Variants in SLU7 observed in about 807,000 individuals in gnomAD.
SLU7 encodes pre-mRNA-splicing factor SLU7.
Under a neutral mutation model 87.0 loss-of-function variants are expected in SLU7, and 60 were observed. The observed-to-expected ratio is 0.69, with a 90% CI of 0.56 to 0.86. The LOEUF (loss-of-function observed/expected upper bound fraction) is 0.86. Among genes scored for constraint, SLU7 ranks in the 40% least tolerant of loss-of-function variants. SLU7 has a pLI of 0.00. For synonymous variants in SLU7, 197 were observed against 222.0 expected (o/e 0.89, Z 1.00); for missense variants, 507 against 686.6 (o/e 0.74, Z 2.92).
At chr5:160,406,238 T>C in intron 12 of SLU7, 1 of 363,124 alleles carries the variant, frequency 2.8e-6, no homozygotes, top group Non-Finnish European at 4.9e-6. Context: ...AGACAAAGCA[T>C]ATAAGGCAAT....
In SLU7 at chr5:160,415,273, C is replaced by T. The variant is rs141871145; in HGVS notation, c.22G>A (p.Ala8Thr). The stretch of plus-strand genomic sequence containing the variant: ...CCCGATAGGGGTGCAGCATTAACTG[C>T]ATCTACAACTGTGGCTGACATGGTT... MSATVVDAVNAAPLSGSK... is the reference protein window; with the variant it reads MSATVVDTVNAAPLSGSK... The change falls in exon 2 of 16, where the codon GCA (alanine) becomes ACA (threonine). Residue 8 changes from alanine (A) to threonine (T), a missense_variant. Transcript: ENST00000297151. 6.5e-5 allele frequency: 103 copies of T among 1,590,572 alleles called. No homozygotes were observed. The highest frequency in any genetic ancestry group is 8.7e-5 in the Non-Finnish European group (102 of 1,171,296).
chr5:160,410,789 T>C (rs1296521981), intron 6 of SLU7, among the ~76,000 whole-genome samples: 3 of 152,124 alleles, frequency 2.0e-5, no homozygotes, highest in Admixed American at 6.5e-5. Context: ...TACTATGTGA[T>C]ATGTATATAA....
chr5:160,414,986 CAT>C, intron 2 of SLU7, 137 bp downstream of exon 2: 1 of 653,862 alleles, frequency 1.5e-6, no homozygotes, highest in Non-Finnish European at 2.5e-6. Context: ...AAACCATATG[CAT>C]ATGAGTTTGA....
intron 12 of SLU7, among the ~76,000 whole-genome samples, chr5:160,406,098 T>C (rs1349694269): frequency 6.6e-6 from 1 of 152,236 alleles, no homozygotes; most frequent in East Asian, 1.9e-4. Context: ...ACAGCGTTTA[T>C]GGATAAAATG....
In SLU7 at chr5:160,411,134, C is replaced by T. The variant is rs183638442; in HGVS notation, c.639+1317G>A. ...ACCCGCCTTGGCCTCCCAAAGTGCT[C>T]GGATTATAGGCGTCAGCCACCGCGC... is the stretch of plus-strand genomic sequence containing the variant. On this transcript the variant is annotated intron_variant, in intron 6 of 15. Coordinates refer to ENST00000297151, the MANE Select transcript of SLU7 (RefSeq NM_006425.5). Among the ~76,000 whole-genome samples the T allele has an allele frequency of 6.7e-4, 101 of 151,768 alleles. 2 individuals carry two copies. The highest frequency in any genetic ancestry group is 2.3e-3 in the African/African-American group (96 of 41,378).
chr5:160,407,947 C>A lies in SLU7; in HGVS notation c.917+24G>T. On this transcript the variant is annotated intron_variant, in intron 9 of 15. Coordinates refer to ENST00000297151, the MANE Select transcript of SLU7 (RefSeq NM_006425.5). The surrounding 1 kb of genome is among the most constrained non-coding windows in gnomAD (Gnocchi z 4.2). Reference sequence around the variant, plus strand: ...AATTAACTTTCTCTCATCTTAAAATCTGTACATTTAACTTGATACTTACTC... The same window carrying A: ...AATTAACTTTCTCTCATCTTAAAATATGTACATTTAACTTGATACTTACTC... 2.6e-6 allele frequency: 4 copies of A among 1,545,354 alleles called. No homozygotes were observed. The highest frequency in any genetic ancestry group is 3.6e-6 in the Non-Finnish European group (4 of 1,118,286).
chr5:160,404,915 A>G, intron 13 of SLU7, 35 bp from the exon 14 acceptor site: 2 of 1,522,142 alleles, frequency 1.3e-6, no homozygotes, highest in Non-Finnish European at 1.8e-6. Context: ...GTTGAGTGTC[A>G]TAGTTACTAA....
chr5:160,403,615 T>C (rs767286642), intron 15 of SLU7, 151 bp from the exon 16 acceptor site: 1 of 529,672 alleles, frequency 1.9e-6, no homozygotes, highest in Non-Finnish European at 3.2e-6. Flanking sequence ...GCCCTTCTAC[T>C]GTCAAGCTAC....
intron 1 of SLU7, among the ~76,000 whole-genome samples, chr5:160,415,905 T>C (rs2910192): frequency 0.22 from 33,245 of 152,062 alleles, 4,042 homozygotes; most frequent in South Asian, 0.34. Flanking sequence ...TTTTCTTTTT[T>C]TTTTAGAGAC....
At chr5:160,418,059 G>A (rs767064662) in intron 1 of SLU7, among the ~76,000 whole-genome samples, 1 of 152,136 alleles carries the variant, frequency 6.6e-6, no homozygotes, top group Non-Finnish European at 1.5e-5. Flanking sequence ...AATGCCTGGG[G>A]GTCTACGATG....
rs1268047861 is a variant in SLU7, at chr5:160,415,319, A to C, written c.-16-9T>G. The C allele has an allele frequency of 6.5e-7, 1 of 1,530,400 alleles. No homozygotes were observed. Among genetic ancestry groups the C allele is most frequent in the Non-Finnish European group, 8.7e-7 (1 of 1,143,260 alleles). 94.8% of individuals were successfully genotyped at this position (1,530,400 alleles called of 1,614,324 possible). ...TGGTTATCTGGCCTCCTCTAGGAAA[A>C]GAAGTGAAACTTACAGTAAAAAGTA... On this transcript the variant is annotated splice_polypyrimidine_tract_variant and intron_variant, in intron 1 of 15. Coordinates refer to ENST00000297151, the MANE Select transcript of SLU7 (RefSeq NM_006425.5).
chr5:160,413,756 G>T, intron 4 of SLU7, 136 bp from the exon 5 acceptor site: 1 of 983,982 alleles, frequency 1.0e-6, no homozygotes, highest in Non-Finnish European at 1.5e-6. Context: ...TTTTGTTGGT[G>T]TTGAACCAAT....
chr5:160,412,406 T>A, intron 6 of SLU7, 45 bp downstream of exon 6: 1 of 1,140,292 alleles, frequency 8.8e-7, no homozygotes, highest in Non-Finnish European at 1.3e-6. Context: ...CATTTCTTTG[T>A]TTAAAAGAAA....
Position 160,407,540 on chromosome 5 carries a change from T to C in SLU7, c.1061A>G (p.Tyr354Cys), listed in dbSNP as rs1299522592. 6 of 1,613,638 alleles carry C rather than the reference T, an allele frequency of 3.7e-6. No homozygotes were observed. The highest frequency in any genetic ancestry group is 1.6e-4 in the Middle Eastern group (1 of 6,082). ...QADPTKLELL[Y>C]KSFKVKKEDF... ...TTCTTTTTTGACTTTGAAGGACTTA[T>C]ACAACAGCTCTAGCTTTGTAGGATC... The change falls in exon 11 of 16, where the codon TAT (tyrosine) becomes TGT (cysteine). Residue 354 changes from tyrosine to cysteine, a missense_variant. By Grantham distance (194) the Tyr-to-Cys change is radical (BLOSUM62 -2). Around this residue, in one of 6 missense-constraint regions of SLU7, gnomAD observed 49 missense variants for 144.1 expected, o/e 0.34. Coordinates refer to ENST00000297151, the MANE Select transcript of SLU7 (RefSeq NM_006425.5). The surrounding 1 kb of genome is among the most constrained non-coding windows in gnomAD (Gnocchi z 4.2).
chr5:160,413,326 A>ACAG, intron 5 of SLU7, 130 bp downstream of exon 5: 1 of 531,834 alleles, frequency 1.9e-6, no homozygotes. Context: ...GGTAGCCTAT[A>ACAG]CAGTAGTACT....
At chr5:160,412,381 T>C (rs1314039911) in intron 6 of SLU7, 70 bp downstream of exon 6, 1 of 964,404 alleles carries the variant, frequency 1.0e-6, no homozygotes, top group Non-Finnish European at 1.6e-6. Flanking sequence ...TAAAATGAAT[T>C]CTTGTTTCAA....
chr5:160,410,162 A>G (rs1765172038), intron 6 of SLU7, among the ~76,000 whole-genome samples: 1 of 152,228 alleles, frequency 6.6e-6, no homozygotes, highest in Non-Finnish European at 1.5e-5. Flanking sequence ...GAACAGGTAT[A>G]TGTGGACAAG....
At chr5:160,416,173 C>T (rs1048533796) in intron 1 of SLU7, among the ~76,000 whole-genome samples, 5 of 152,116 alleles carry the variant, frequency 3.3e-5, no homozygotes, top group Non-Finnish European at 7.4e-5. Flanking sequence ...GGATTACAGG[C>T]GTGAGCCACT....
At chr5:160,408,553 C>T (rs1765101398) in intron 7 of SLU7, 93 bp from the exon 8 acceptor site, 2 of 1,443,304 alleles carry the variant, frequency 1.4e-6, no homozygotes, top group Non-Finnish European at 1.9e-6. Context: ...CCCTTATTTA[C>T]TTGTGTTCTT....
Sources: allele counts gnomAD v4.1 joint callset (sites outside exome capture counted in the v4.1 genomes callset), GRCh38; gene constraint gnomAD v4.1.1; regional missense constraint gnomAD v4.1.1; non-coding constraint Gnocchi (gnomAD v3.1); transcripts MANE v1.5; gene names NCBI Gene and HGNC (gene_info 2026-07-23, HGNC 2026-07-21).